Variants in CDH13 observed in about 807,000 individuals in gnomAD.
The protein encoded by CDH13 is cadherin 13.
A neutral mutation model predicts 63.8 loss-of-function variants in CDH13; 24 were observed. The ratio of observed to expected loss-of-function variants is 0.38; its 90% confidence interval spans 0.27 to 0.53. The LOEUF is 0.53. Among genes scored for constraint, CDH13 ranks in the 20% least tolerant of loss-of-function variants. CDH13 has a pLI of 0.85. For synonymous variants in CDH13, 503 were observed against 355.3 expected (o/e 1.42, Z -4.67); for missense variants, 1,049 against 903.1 (o/e 1.16, Z -2.07).
At chr16:82,735,745 C>G (rs565191760) in intron 1 of CDH13, among the ~76,000 whole-genome samples, 43 of 152,202 alleles carry the variant, frequency 2.8e-4, no homozygotes, top group Admixed American at 9.2e-4. Context: ...CAGTAAAGCA[C>G]TTTATCACAT....
At chr16:82,928,312 C>T (rs1379337914) in intron 2 of CDH13, among the ~76,000 whole-genome samples, 1 of 152,154 alleles carries the variant, frequency 6.6e-6, no homozygotes, top group African/African-American at 2.4e-5. Flanking sequence ...TAGGTTTTCA[C>T]TTCTTATAAG....
intron 2 of CDH13, among the ~76,000 whole-genome samples, chr16:83,019,241 T>G (rs530927914): frequency 2.6e-5 from 4 of 152,198 alleles, no homozygotes; most frequent in Non-Finnish European, 5.9e-5. Context: ...ACCTTTCTAT[T>G]TTTAAATGTT....
At chr16:83,314,977 C>A (rs2090076556) in intron 5 of CDH13, among the ~76,000 whole-genome samples, 1 of 152,144 alleles carries the variant, frequency 6.6e-6, no homozygotes, top group African/African-American at 2.4e-5. Flanking sequence ...GGGAGGTGGG[C>A]AGAACGGAGT....
intron 3 of CDH13, among the ~76,000 whole-genome samples, chr16:83,106,499 C>A (rs1597347514): frequency 6.6e-6 from 1 of 152,300 alleles, no homozygotes; most frequent in East Asian, 1.9e-4. Context: ...CGAGATCACG[C>A]CATTGCACTC....
At chr16:83,058,003 T>C (rs2031124963) in intron 3 of CDH13, among the ~76,000 whole-genome samples, 1 of 152,170 alleles carries the variant, frequency 6.6e-6, no homozygotes, top group Non-Finnish European at 1.5e-5. Flanking sequence ...GATAATCATG[T>C]CTTGGATTAT....
intron 2 of CDH13, among the ~76,000 whole-genome samples, chr16:82,930,784 G>A (rs1392818638): frequency 7.9e-5 from 12 of 152,138 alleles, no homozygotes; most frequent in African/African-American, 2.9e-4. Context: ...TTCACCCTAG[G>A]TGAGAAGGGC....
intron 1 of CDH13, among the ~76,000 whole-genome samples, chr16:82,694,462 T>A (rs1439383698): frequency 6.6e-6 from 1 of 152,208 alleles, no homozygotes; most frequent in South Asian, 2.1e-4. Flanking sequence ...TTTAGCTGAA[T>A]CAATGGCTTG....
intron 10 of CDH13, among the ~76,000 whole-genome samples, chr16:83,728,423 C>T (rs890585520): frequency 3.3e-5 from 5 of 151,650 alleles, no homozygotes; most frequent in African/African-American, 1.2e-4. Context: ...TGACAAACAA[C>T]AGTTCAATAG....
rs899961940 is a variant in CDH13 at position 83,595,978 on chromosome 16, G to C, written c.961-6476G>C. Among the ~76,000 whole-genome samples the C allele has an allele frequency of 3.3e-5, 5 of 152,240 alleles. No homozygotes were observed. In the East Asian group the frequency reaches 9.6e-4, roughly 29 times the overall value. On this transcript the variant is annotated intron_variant, in intron 7 of 13. Coordinates refer to ENST00000567109, the MANE Select transcript of CDH13 (RefSeq NM_001257.5). ...CAAAGCTCCAGTCCTTGGCAGCCAA[G>C]CTGCTTCTTCCCGGCAGAGCAGCAC...
intron 5 of CDH13, among the ~76,000 whole-genome samples, chr16:83,258,833 C>G (rs1462791074): frequency 6.6e-6 from 1 of 152,198 alleles, no homozygotes; most frequent in East Asian, 1.9e-4. Flanking sequence ...CGTGACCAGT[C>G]CTTATACTCT....
intron 7 of CDH13, among the ~76,000 whole-genome samples, chr16:83,489,426 A>G (rs140352566): frequency 4.6e-5 from 7 of 152,354 alleles, no homozygotes; most frequent in African/African-American, 1.7e-4. Context: ...GGGTTTCCAG[A>G]GTTCATTGCT....
intron 1 of CDH13, among the ~76,000 whole-genome samples, chr16:82,764,706 C>A (rs941996227): frequency 6.6e-6 from 1 of 152,058 alleles, no homozygotes; most frequent in Non-Finnish European, 1.5e-5. Flanking sequence ...ATGAAAGACA[C>A]AAATTCAGGA....
chr16:82,830,742 C>T (rs1249467170), intron 1 of CDH13, among the ~76,000 whole-genome samples: 2 of 152,152 alleles, frequency 1.3e-5, no homozygotes, highest in Admixed American at 1.3e-4. Flanking sequence ...AGACCAATAC[C>T]TTGTTTTATG....
chr16:83,356,234 G>A (rs576395637), intron 6 of CDH13, among the ~76,000 whole-genome samples: 34,532 of 148,926 alleles, frequency 0.23, 4,607 homozygotes, highest in African/African-American at 0.37. Flanking sequence ...GTGTGTGTGT[G>A]TGTGTGTGTG....
chr16:83,418,194 A>G (rs753894832), intron 6 of CDH13, among the ~76,000 whole-genome samples: 6 of 152,184 alleles, frequency 3.9e-5, no homozygotes, highest in Non-Finnish European at 7.3e-5. Context: ...CCTCATTTGA[A>G]AAATGGAGGG....
At chr16:82,756,875 C>G (rs1363479160) in intron 1 of CDH13, among the ~76,000 whole-genome samples, 1 of 152,196 alleles carries the variant, frequency 6.6e-6, no homozygotes, top group African/African-American at 2.4e-5. Context: ...GCACTTTCCA[C>G]TAGTTTATAT....
chr16:82,843,333 C>T (rs72807830), intron 1 of CDH13, among the ~76,000 whole-genome samples: 2 of 152,288 alleles, frequency 1.3e-5, no homozygotes, highest in East Asian at 3.9e-4. Context: ...ATTCAGTGAG[C>T]AGTTGTTCAA....
intron 1 of CDH13, among the ~76,000 whole-genome samples, chr16:82,801,885 C>G (rs1479834177): frequency 6.6e-6 from 1 of 152,132 alleles, no homozygotes; most frequent in Non-Finnish European, 1.5e-5. Flanking sequence ...CTCATTATGA[C>G]AAAAGGATTT....
chr16:83,567,266 T>C (rs2150698661), intron 7 of CDH13, among the ~76,000 whole-genome samples: 1 of 152,334 alleles, frequency 6.6e-6, no homozygotes, highest in East Asian at 1.9e-4. Flanking sequence ...TCTGTGAGTC[T>C]GTAGAAGAAA....
Sources: allele counts gnomAD v4.1 joint callset (sites outside exome capture counted in the v4.1 genomes callset), GRCh38; gene constraint gnomAD v4.1.1; transcripts MANE v1.5; gene names NCBI Gene and HGNC (gene_info 2026-07-23, HGNC 2026-07-21).